Variants in CYP4F22 observed in about 807,000 individuals in gnomAD.
CYP4F22 encodes the protein ultra-long-chain fatty acid omega-hydroxylase.
In CYP4F22, 37 loss-of-function variants were observed where a neutral mutation model predicts 60.4. The ratio of observed to expected loss-of-function variants is 0.61; its 90% confidence interval spans 0.47 to 0.81. The LOEUF is 0.81. CYP4F22 is among the 30% of genes least tolerant of loss of function. The pLI, the probability that CYP4F22 is intolerant of heterozygous loss-of-function variation, is 0.00. For missense variants in CYP4F22, 655 were observed against 715.0 expected (o/e 0.92, Z 0.96); for synonymous variants, 258 against 280.5 (o/e 0.92, Z 0.80).
At chr19:15,532,599 C>G (rs1007743917) in intron 4 of CYP4F22, among the ~76,000 whole-genome samples, 1 of 151,612 alleles carries the variant, frequency 6.6e-6, no homozygotes, top group African/African-American at 2.4e-5. Context: ...CCAGGCTGGT[C>G]TTGAACTCCT....
rs1253231223 is a variant in CYP4F22 at position 15,551,307 on chromosome 19, C to G, written c.1432C>G (p.Gln478Glu). The change falls in exon 14 of 14, where the codon CAG (glutamine) becomes GAG (glutamate). Residue 478 changes from glutamine (Q) to glutamate (E), a missense_variant. Gln to Glu is a conservative substitution (Grantham distance 29). Around this residue, in one of 3 missense-constraint regions of CYP4F22, gnomAD observed 151 missense variants for 139.4 expected, o/e 1.08. Coordinates refer to ENST00000269703, the MANE Select transcript of CYP4F22 (RefSeq NM_173483.4). ...CTCTTCCTCCAGGAATTGCATCGGA[C>G]AGAGCTTCGCCATGGCCGAGTTGCG... ...FSAGPRNCIG[Q>E]SFAMAELRVV... The G allele has an allele frequency of 6.2e-7, 1 of 1,612,800 alleles. No homozygotes were observed.
chr19:15,509,854 C>CTCCCTTCCT (rs1427758908), intron 1 of CYP4F22, among the ~76,000 whole-genome samples: 6 of 110,004 alleles, frequency 5.5e-5, no homozygotes, highest in African/African-American at 1.4e-4. Context: ...GGACCCATCT[C>CTCCCTTCCT]TCCTTCCTTC....
At chr19:15,519,263 A>AT (rs773782070) in intron 1 of CYP4F22, among the ~76,000 whole-genome samples, 109 of 139,242 alleles carry the variant, frequency 7.8e-4, no homozygotes, top group South Asian at 1.6e-3. Flanking sequence ...TGAGAATGGG[A>AT]TTTTTTTTTT....
chr19:15,530,396 G>A (rs1971330054), intron 4 of CYP4F22, among the ~76,000 whole-genome samples: 1 of 152,142 alleles, frequency 6.6e-6, no homozygotes, highest in Non-Finnish European at 1.5e-5. Context: ...CCTCCTCCAG[G>A]AATCTTTCCC....
chr19:15,520,842 A>G (rs918472972), intron 1 of CYP4F22, among the ~76,000 whole-genome samples: 5 of 150,528 alleles, frequency 3.3e-5, no homozygotes, highest in African/African-American at 1.2e-4. Context: ...ATCTCGGCTC[A>G]CTGCAACCTC....
chr19:15,543,066 AC>A (rs1244846176), intron 8 of CYP4F22, among the ~76,000 whole-genome samples: 1 of 152,100 alleles, frequency 6.6e-6, no homozygotes, highest in Non-Finnish European at 1.5e-5. Flanking sequence ...TTGGTTGTAT[AC>A]CCGGTAATGG....
chr19:15,546,700 G>T (rs923990653), intron 10 of CYP4F22, among the ~76,000 whole-genome samples: 4 of 152,092 alleles, frequency 2.6e-5, no homozygotes, highest in Admixed American at 2.0e-4. Context: ...TTAAGTAAAT[G>T]ATATTATAAG....
intron 8 of CYP4F22, 124 bp downstream of exon 8, chr19:15,540,841 T>G: frequency 2.4e-6 from 3 of 1,248,108 alleles, no homozygotes; most frequent in South Asian, 1.4e-5. Flanking sequence ...TCCCAGCGCT[T>G]TGGGAGGCCA....
chr19:15,534,964 G>T (rs188285049), intron 4 of CYP4F22, among the ~76,000 whole-genome samples: 1 of 152,300 alleles, frequency 6.6e-6, no homozygotes, highest in African/African-American at 2.4e-5. Flanking sequence ...GCAGGAACTG[G>T]ACAGCAAAGT....
At position 15,511,256 on chromosome 19, in the gene CYP4F22, G is replaced by A. The variant is rs149722310; in HGVS notation, c.-109+2673G>A. On this transcript the variant is annotated intron_variant, in intron 1 of 13. Coordinates refer to ENST00000269703, the MANE Select transcript of CYP4F22 (RefSeq NM_173483.4). ...ATTACAGGCATGATTACAGGCATGAGCCACCGCGCCCAGCACTATATTAAT... is the reference window on the plus strand; with the variant it reads ...ATTACAGGCATGATTACAGGCATGAACCACCGCGCCCAGCACTATATTAAT... Among the ~76,000 whole-genome samples, 130 of 151,620 alleles carry A rather than the reference G, an allele frequency of 8.6e-4. 1 individual carries two copies. Among genetic ancestry groups the A allele is most frequent in the Middle Eastern group, 3.4e-3 (1 of 294 alleles).
chr19:15,524,283 C>G (rs1971256451), intron 2 of CYP4F22, among the ~76,000 whole-genome samples: 2 of 152,056 alleles, frequency 1.3e-5, no homozygotes, highest in Non-Finnish European at 2.9e-5. Context: ...ATTAGTGGTG[C>G]CAGGGGCTCC....
chr19:15,545,606 G>A (rs561087611), intron 10 of CYP4F22, among the ~76,000 whole-genome samples: 12 of 129,850 alleles, frequency 9.2e-5, no homozygotes, highest in African/African-American at 2.4e-4. Flanking sequence ...TCAAGATTAC[G>A]CCACTGCACT....
chr19:15,509,039 A>G (rs1231177206), intron 1 of CYP4F22, among the ~76,000 whole-genome samples: 3 of 152,102 alleles, frequency 2.0e-5, no homozygotes, highest in Non-Finnish European at 4.4e-5. Context: ...AGGTTGTAGT[A>G]CATTCAACCG....
At chr19:15,531,799 C>A (rs1232025134) in intron 4 of CYP4F22, among the ~76,000 whole-genome samples, 2 of 151,996 alleles carry the variant, frequency 1.3e-5, no homozygotes, top group Non-Finnish European at 2.9e-5. Context: ...GTTGTGAAGC[C>A]TGAATAATAT....
chr19:15,536,457 T>C (rs1325402847), intron 4 of CYP4F22, among the ~76,000 whole-genome samples: 1 of 151,836 alleles, frequency 6.6e-6, no homozygotes, highest in Non-Finnish European at 1.5e-5. Flanking sequence ...GCTTTGAAAA[T>C]GGGCTGGTAT....
chr19:15,545,171 A>G (rs1373242250), intron 10 of CYP4F22, among the ~76,000 whole-genome samples: 1 of 152,056 alleles, frequency 6.6e-6, no homozygotes, highest in African/African-American at 2.4e-5. Flanking sequence ...TCACGTGACC[A>G]AGCCCAGCAT....
chr19:15,509,901 C>CTTCCTTCA (rs1971065490), intron 1 of CYP4F22, among the ~76,000 whole-genome samples: 1 of 113,788 alleles, frequency 8.8e-6, no homozygotes, highest in African/African-American at 3.1e-5. Flanking sequence ...TCCTTCCTTC[C>CTTCCTTCA]TTCCTTTCTT....
chr19:15,532,618 G>A (rs893440797), intron 4 of CYP4F22, among the ~76,000 whole-genome samples: 13 of 151,784 alleles, frequency 8.6e-5, no homozygotes, highest in African/African-American at 3.1e-4. Flanking sequence ...CTGACCTTAA[G>A]TGATTCTCCT....
intron 12 of CYP4F22, among the ~76,000 whole-genome samples, chr19:15,550,133 G>A (rs768829246): frequency 4.6e-5 from 7 of 152,052 alleles, no homozygotes; most frequent in Non-Finnish European, 1.0e-4. Flanking sequence ...GTTTCACCAT[G>A]TTGGCCAGGC....
Sources: gnomAD v4.1 joint callset for allele counts (sites outside exome capture counted in the v4.1 genomes callset) on GRCh38, gnomAD v4.1.1 for gene constraint, gnomAD v4.1.1 regional missense constraint, MANE v1.5 for transcripts, NCBI Gene and HGNC (gene_info 2026-07-23, HGNC 2026-07-21) for gene names.